SUSD6: variants seen among roughly 807,000 people sequenced by gnomAD.
The protein encoded by SUSD6 is sushi domain containing 6.
Under a neutral mutation model 28.4 loss-of-function variants are expected in SUSD6, and 16 were observed. That is an observed-to-expected ratio of 0.56 (90% CI 0.38 to 0.86). The LOEUF (loss-of-function observed/expected upper bound fraction) is 0.86. SUSD6 is among the 40% of genes least tolerant of loss of function. The probability of loss-of-function intolerance (pLI) is 0.00; values close to 1 mark genes in which losing one functional copy is unlikely to be tolerated. For synonymous variants in SUSD6, 147 were observed against 159.6 expected (o/e 0.92, Z 0.59); for missense variants, 341 against 384.2 (o/e 0.89, Z 0.94).
In SUSD6 at chr14:69,708,845, G is replaced by A. The variant is rs1275959683; in HGVS notation, c.627G>A (p.Arg209=). The A allele has an allele frequency of 6.2e-7, 1 of 1,614,168 alleles. No homozygotes were observed. ...VLSEGSGPSG[R]SVPREQQLPD... is the part of the protein sequence containing the mutation. ...CAGAAGGGTCTGGGCCCAGTGGGAG[G>A]AGCGTGCCAAGGGAGCAACAGCTGC... Residue 209 remains arginine, a synonymous_variant, in exon 5 of 6, where the codon AGG becomes AGA. Coordinates refer to ENST00000342745, the MANE Select transcript of SUSD6 (RefSeq NM_014734.4).
chr14:69,635,184 A>C (rs1885246250), intron 1 of SUSD6, among the ~76,000 whole-genome samples: 1 of 152,226 alleles, frequency 6.6e-6, no homozygotes, highest in Non-Finnish European at 1.5e-5. Context: ...CTCACTTAAT[A>C]TGTGAAGGCC....
At chr14:69,691,963 C>T (rs1427710184) in intron 2 of SUSD6, among the ~76,000 whole-genome samples, 1 of 149,652 alleles carries the variant, frequency 6.7e-6, no homozygotes, top group Non-Finnish European at 1.5e-5. Flanking sequence ...TGCTTGAACC[C>T]GGGAGGCGGA....
chr14:69,626,068 G>A (rs1885110050), intron 1 of SUSD6, among the ~76,000 whole-genome samples: 1 of 152,172 alleles, frequency 6.6e-6, no homozygotes, highest in African/African-American at 2.4e-5. Context: ...AAATAGGTTT[G>A]GAGCTTCTCT....
chr14:69,650,588 C>T (rs542172794), intron 1 of SUSD6, among the ~76,000 whole-genome samples: 8 of 152,322 alleles, frequency 5.3e-5, no homozygotes, highest in African/African-American at 1.9e-4. Flanking sequence ...TTCCTACCTT[C>T]AGGTCAGGAA....
At chr14:69,673,428 A>C (rs914931913) in intron 2 of SUSD6, among the ~76,000 whole-genome samples, 1 of 152,188 alleles carries the variant, frequency 6.6e-6, no homozygotes, top group Admixed American at 6.5e-5. Context: ...CTTGGGCTGA[A>C]AAAAACCTGT....
intron 1 of SUSD6, among the ~76,000 whole-genome samples, chr14:69,647,705 C>T (rs986579498): frequency 6.6e-6 from 1 of 151,840 alleles, no homozygotes; most frequent in East Asian, 1.9e-4. Context: ...AGGATTTGGG[C>T]TGGGTACAGT....
At chr14:69,645,848 C>T (rs778822892) in intron 1 of SUSD6, among the ~76,000 whole-genome samples, 1 of 152,018 alleles carries the variant, frequency 6.6e-6, no homozygotes, top group Non-Finnish European at 1.5e-5. Flanking sequence ...CTCCCTGCTT[C>T]AAGCGATTCT....
At chr14:69,664,772 A>ATTG (rs1885714466) in intron 2 of SUSD6, among the ~76,000 whole-genome samples, 1 of 152,216 alleles carries the variant, frequency 6.6e-6, no homozygotes. Context: ...ATGGTGCCCC[A>ATTG]CTACCCTGCT....
chr14:69,670,371 C>A (rs1281871220), intron 2 of SUSD6: 2 of 440,030 alleles, frequency 4.5e-6, no homozygotes, highest in Non-Finnish European at 9.4e-6. Flanking sequence ...GAAAATAGAA[C>A]AATTCCATGT....
At chr14:69,664,042 G>A (rs1300673943) in intron 2 of SUSD6, among the ~76,000 whole-genome samples, 4 of 151,232 alleles carry the variant, frequency 2.6e-5, no homozygotes, top group Non-Finnish European at 4.4e-5. Flanking sequence ...ACAGTGGCGC[G>A]ATCTCGGCTC....
intron 2 of SUSD6, among the ~76,000 whole-genome samples, chr14:69,693,516 G>A (rs969742360): frequency 6.6e-6 from 1 of 152,176 alleles, no homozygotes; most frequent in African/African-American, 2.4e-5. Context: ...TCTGTTTTCT[G>A]CCTGCCCCCT....
rs1886339350 is a variant in SUSD6 at position 69,703,383 on chromosome 14, C to T, written c.122-12C>T. The stretch of plus-strand genomic sequence containing the variant: ...TCACCACTGTACCCCTGCTCTCTCC[C>T]TGTCTTTGCAGTGTGCCCCCTACCA... On this transcript the variant is annotated splice_polypyrimidine_tract_variant and intron_variant, in intron 2 of 5. Transcript: ENST00000342745. 6.2e-7 allele frequency: 1 copy of T among 1,611,012 alleles called. No individual in the cohort carries two copies. The highest frequency in any genetic ancestry group is 1.7e-5 in the Admixed American group (1 of 59,966).
chr14:69,691,282 G>A (rs932856250), intron 2 of SUSD6, among the ~76,000 whole-genome samples: 5 of 152,164 alleles, frequency 3.3e-5, no homozygotes, highest in Non-Finnish European at 5.9e-5. Flanking sequence ...GAAGGCAGAG[G>A]TTGCAGTGAG....
intron 2 of SUSD6, among the ~76,000 whole-genome samples, chr14:69,686,192 C>G (rs1886070658): frequency 6.6e-6 from 1 of 152,108 alleles, no homozygotes; most frequent in Non-Finnish European, 1.5e-5. Context: ...AGTCAACAGC[C>G]CTGCTCAGTT....
At chr14:69,619,022 T>C (rs1161481552) in intron 1 of SUSD6, among the ~76,000 whole-genome samples, 1 of 152,186 alleles carries the variant, frequency 6.6e-6, no homozygotes, top group Non-Finnish European at 1.5e-5. Context: ...AAATGGATGC[T>C]CAGAGCTGAC....
intron 4 of SUSD6, among the ~76,000 whole-genome samples, chr14:69,705,331 A>C (rs755493461): frequency 7.0e-6 from 1 of 142,076 alleles, no homozygotes; most frequent in Non-Finnish European, 1.6e-5. Flanking sequence ...AAAAAAAAAA[A>C]ACAAAAAAAA....
intron 1 of SUSD6, among the ~76,000 whole-genome samples, chr14:69,613,792 A>T (rs185096473): frequency 6.6e-6 from 1 of 152,338 alleles, no homozygotes; most frequent in East Asian, 1.9e-4. Flanking sequence ...TGTAGTAGAA[A>T]TGGCATATGA....
intron 2 of SUSD6, among the ~76,000 whole-genome samples, chr14:69,674,360 G>T (rs1317550778): frequency 6.6e-6 from 1 of 152,072 alleles, no homozygotes; most frequent in South Asian, 2.1e-4. Flanking sequence ...TTCTTTTCTC[G>T]CTTCTTCTTA....
At chr14:69,646,261 C>T (rs1480727393) in intron 1 of SUSD6, among the ~76,000 whole-genome samples, 1 of 152,186 alleles carries the variant, frequency 6.6e-6, no homozygotes, top group Non-Finnish European at 1.5e-5. Flanking sequence ...GCACATGCCC[C>T]TGGTTTCCAT....
Sources: gnomAD v4.1 joint callset for allele counts (sites outside exome capture counted in the v4.1 genomes callset) on GRCh38, gnomAD v4.1.1 for gene constraint, MANE v1.5 for transcripts, NCBI Gene and HGNC (gene_info 2026-07-23, HGNC 2026-07-21) for gene names.